KIRREL3: variants seen among roughly 807,000 people sequenced by gnomAD.
KIRREL3 encodes the protein kirre like nephrin family adhesion molecule 3.
A neutral mutation model predicts 89.7 loss-of-function variants in KIRREL3; 36 were observed. The ratio of observed to expected loss-of-function variants is 0.40; its 90% CI spans 0.31 to 0.53. KIRREL3 has a LOEUF of 0.53. Ranked by LOEUF, KIRREL3 falls within the 20% of genes least tolerant of loss-of-function variation. The pLI is 0.49. For missense variants in KIRREL3, 864 were observed against 1,056.6 expected (o/e 0.82, Z 2.53); for synonymous variants, 445 against 441.4 (o/e 1.01, Z -0.10).
At chr11:126,818,187 G>C (rs943855774) in intron 1 of KIRREL3, among the ~76,000 whole-genome samples, 12 of 152,362 alleles carry the variant, frequency 7.9e-5, no homozygotes, top group Middle Eastern at 3.4e-3. Flanking sequence ...ACAGAAGCCA[G>C]CTGCGTGCCA....
At chr11:126,626,374 A>G (rs1256132822) in intron 1 of KIRREL3, among the ~76,000 whole-genome samples, 1 of 152,234 alleles carries the variant, frequency 6.6e-6, no homozygotes, top group Non-Finnish European at 1.5e-5. Context: ...GACTTTGATC[A>G]ACACCAGCCT....
chr11:126,450,871 ATGTGTGCATGTGTGCATGTGCG>A (rs1369612555), intron 7 of KIRREL3, among the ~76,000 whole-genome samples: 1 of 123,564 alleles, frequency 8.1e-6, no homozygotes, highest in Non-Finnish European at 1.7e-5. Flanking sequence ...GTGTGTGTGC[ATGTGTGCATGTGTGCATGTGCG>A]TGTGTGCATG....
chr11:126,603,045 C>T (rs994977238), intron 1 of KIRREL3, among the ~76,000 whole-genome samples: 1 of 152,148 alleles, frequency 6.6e-6, no homozygotes, highest in Non-Finnish European at 1.5e-5. Context: ...GAACATGCTC[C>T]TCCAAGTTCA....
chr11:126,982,093 C>A (rs970066829), intron 1 of KIRREL3, among the ~76,000 whole-genome samples: 1 of 152,200 alleles, frequency 6.6e-6, no homozygotes, highest in African/African-American at 2.4e-5. Context: ...CCAGACCCAG[C>A]CTCAATGCTC....
chr11:126,950,172 G>A (rs1172678850), intron 1 of KIRREL3, among the ~76,000 whole-genome samples: 1 of 152,142 alleles, frequency 6.6e-6, no homozygotes, highest in Non-Finnish European at 1.5e-5. Flanking sequence ...AGGAGATAGA[G>A]AACATCCTGG....
chr11:126,884,618 C>T (rs1362173129), intron 1 of KIRREL3, among the ~76,000 whole-genome samples: 3 of 152,174 alleles, frequency 2.0e-5, no homozygotes, highest in Non-Finnish European at 2.9e-5. Flanking sequence ...CAACATAGCA[C>T]GCCACGGGGT....
At chr11:126,679,415 G>A (rs1262562731) in intron 1 of KIRREL3, among the ~76,000 whole-genome samples, 1 of 152,210 alleles carries the variant, frequency 6.6e-6, no homozygotes, top group African/African-American at 2.4e-5. Flanking sequence ...CCTTTGCTAA[G>A]TGCTTTGTGT....
chr11:126,702,225 T>C (rs1389529762), intron 1 of KIRREL3, among the ~76,000 whole-genome samples: 1 of 152,180 alleles, frequency 6.6e-6, no homozygotes, highest in Admixed American at 6.5e-5. Context: ...GCATGTAAAA[T>C]GCCTAGCAGG....
At position 126,645,109 on chromosome 11, in the gene KIRREL3, G is replaced by C. The variant is rs540257586; in HGVS notation, c.56-82197C>G. Among the ~76,000 whole-genome samples the C allele has an allele frequency of 2.1e-4, 32 of 152,288 alleles. No individual in the cohort carries two copies. The highest frequency in any genetic ancestry group is 7.2e-4 in the African/African-American group (30 of 41,564). The stretch of plus-strand genomic sequence containing the variant: ...AGGTGAAGTGAACACAGCATATTCT[G>C]AATATATCGCAAGAGGGGTGCAGAC... On this transcript the variant is annotated intron_variant, in intron 1 of 16. Transcript: ENST00000525144. The surrounding 1 kb of genome is among the most constrained non-coding windows in gnomAD (Gnocchi z 4.9).
Position 126,715,004 on chromosome 11 carries a change from A to G in KIRREL3, c.56-152092T>C, listed in dbSNP as rs1947904297. On this transcript the variant is annotated intron_variant, in intron 1 of 16. Coordinates refer to ENST00000525144, the MANE Select transcript of KIRREL3 (RefSeq NM_032531.4). This position sits in a 1 kb window ranked among gnomAD's most constrained non-coding sequence, Gnocchi z 4.4. ...GCCACAGGGTGAAGACTCAGGCTTC[A>G]TCTTTTTCTCAGATTCTAAACTCAC... Among the ~76,000 whole-genome samples the G allele has an allele frequency of 2.0e-5, 3 of 152,164 alleles. No homozygotes were observed. The highest frequency in any genetic ancestry group is 4.4e-5 in the Non-Finnish European group (3 of 68,020).
At chr11:126,451,682 G>A (rs931923667) in intron 7 of KIRREL3, among the ~76,000 whole-genome samples, 6 of 151,422 alleles carry the variant, frequency 4.0e-5, no homozygotes, top group Admixed American at 2.6e-4. Flanking sequence ...GCATATGTGC[G>A]TGTGTGTGCA....
rs183074606 is a variant in KIRREL3 at position 126,818,540 on chromosome 11, T to C, written c.55+181915A>G. Among the ~76,000 whole-genome samples, 299 of 152,244 alleles carry C rather than the reference T, an allele frequency of 2.0e-3. 1 individual carries two copies. Among genetic ancestry groups the C allele is most frequent in the African/African-American group, 6.9e-3 (286 of 41,546 alleles). On this transcript the variant is annotated intron_variant, in intron 1 of 16. Coordinates refer to ENST00000525144, the MANE Select transcript of KIRREL3 (RefSeq NM_032531.4). ...AAACATGTCTATACCTAGAATACTA[T>C]AGAGTTTCAATAAAATATTAACCAT...
At chr11:126,801,755 A>C (rs2040336) in intron 1 of KIRREL3, among the ~76,000 whole-genome samples, 20,104 of 152,150 alleles carry the variant, frequency 0.13, 1,593 homozygotes, top group South Asian at 0.19. Flanking sequence ...GCCTGTAATA[A>C]ATTCTTAGTT....
At position 126,956,633 on chromosome 11, in the gene KIRREL3, G is replaced by A. The variant is rs151121309; in HGVS notation, c.55+43822C>T. On this transcript the variant is annotated intron_variant, in intron 1 of 16. Transcript: ENST00000525144. ...TGGTAGTCGGGGTGGATTATCAATC[G>A]CATTTTCTTTCCCCTGGAATGTGTC... is the stretch of plus-strand genomic sequence containing the variant. Among the ~76,000 whole-genome samples the A allele has an allele frequency of 3.9e-5, 6 of 152,156 alleles. No homozygotes were observed. The East Asian group carries it at 7.7e-4, about 20-fold the overall frequency.
At position 126,569,875 on chromosome 11, in the gene KIRREL3, T is replaced by C. The variant is rs1940794511; in HGVS notation, c.56-6963A>G. Among the ~76,000 whole-genome samples, 1 of 152,210 alleles carries C rather than the reference T, an allele frequency of 6.6e-6. No individual in the cohort carries two copies. Among genetic ancestry groups the C allele is most frequent in the Non-Finnish European group, 1.5e-5 (1 of 68,036 alleles). On this transcript the variant is annotated intron_variant, in intron 1 of 16. Transcript: ENST00000525144. The surrounding 1 kb of genome is among the most constrained non-coding windows in gnomAD (Gnocchi z 6.5). The stretch of plus-strand genomic sequence containing the variant: ...GCCATTCTGCCCAGCGATGCCATTC[T>C]GATTGCAGAATGATGGGGTCTTCTG...
rs902387627 is a variant in KIRREL3 at position 126,643,262 on chromosome 11, A to G, written c.56-80350T>C. ...GATAATGCATATTAAAGTTCTTGGT[A>G]CATAGCAGATGCTCAATAAATTAAT... is the stretch of plus-strand genomic sequence containing the variant. On this transcript the variant is annotated intron_variant, in intron 1 of 16. Coordinates refer to ENST00000525144, the MANE Select transcript of KIRREL3 (RefSeq NM_032531.4). The surrounding 1 kb of genome is among the most constrained non-coding windows in gnomAD (Gnocchi z 4.5). Among the ~76,000 whole-genome samples the G allele has an allele frequency of 6.6e-6, 1 of 152,266 alleles. No homozygotes were observed. The highest frequency in any genetic ancestry group is 2.4e-5 in the African/African-American group (1 of 41,462).
intron 2 of KIRREL3, among the ~76,000 whole-genome samples, chr11:126,540,594 T>A (rs1938288095): frequency 6.6e-6 from 1 of 152,218 alleles, no homozygotes; most frequent in Non-Finnish European, 1.5e-5. Context: ...TGCACTGTAC[T>A]CATTAGTGGC....
chr11:126,915,855 G>A (rs965764744), intron 1 of KIRREL3, among the ~76,000 whole-genome samples: 9 of 152,082 alleles, frequency 5.9e-5, no homozygotes, highest in Non-Finnish European at 1.3e-4. Context: ...TCTGAACCTA[G>A]TCTTGAAATG....
intron 1 of KIRREL3, among the ~76,000 whole-genome samples, chr11:126,790,149 C>T (rs1950594152): frequency 6.6e-6 from 1 of 152,216 alleles, no homozygotes; most frequent in Non-Finnish European, 1.5e-5. Context: ...TTGGAGTGGT[C>T]CTCCCATGAC....
Sources: allele counts gnomAD v4.1 joint callset (sites outside exome capture counted in the v4.1 genomes callset), GRCh38; gene constraint gnomAD v4.1.1; non-coding constraint Gnocchi (gnomAD v3.1); transcripts MANE v1.5; gene names NCBI Gene and HGNC (gene_info 2026-07-23, HGNC 2026-07-21).